Variants in DLG2 observed in about 807,000 individuals in gnomAD.
DLG2 encodes the protein discs large MAGUK scaffold protein 2.
DLG2 carries 45 observed loss-of-function variants against 132.5 expected under a neutral mutation model. The ratio of observed to expected loss-of-function variants is 0.34; its 90% CI spans 0.27 to 0.44. The LOEUF (loss-of-function observed/expected upper bound fraction) is 0.44. Among genes scored for constraint, DLG2 ranks in the 20% least tolerant of loss-of-function variants. The pLI, the probability that DLG2 is intolerant of heterozygous loss-of-function variation, is 1.00. For synonymous variants in DLG2, 424 were observed against 419.6 expected (o/e 1.01, Z -0.13); for missense variants, 1,045 against 1,196.9 (o/e 0.87, Z 1.87).
intron 3 of DLG2, among the ~76,000 whole-genome samples, chr11:85,569,739 G>A (rs1296943008): frequency 6.6e-6 from 1 of 152,176 alleles, no homozygotes; most frequent in African/African-American, 2.4e-5. Context: ...TGAACCTGCA[G>A]AGAAAAGGGG....
intron 7 of DLG2, among the ~76,000 whole-genome samples, chr11:84,519,577 A>G (rs1432802632): frequency 6.6e-6 from 1 of 152,148 alleles, no homozygotes; most frequent in Admixed American, 6.5e-5. Context: ...AAGCAAATGT[A>G]CCCTAAAATC....
At chr11:84,834,136 TATTA>T (rs2079401281) in intron 6 of DLG2, among the ~76,000 whole-genome samples, 1 of 151,712 alleles carries the variant, frequency 6.6e-6, no homozygotes. Context: ...TAATTTCTAA[TATTA>T]ATTAAATAAC....
intron 19 of DLG2, among the ~76,000 whole-genome samples, chr11:83,569,168 A>G (rs1365221940): frequency 1.3e-5 from 2 of 149,934 alleles, no homozygotes; most frequent in African/African-American, 5.0e-5. Context: ...TTTTAAGTAC[A>G]GAAAAGTAGG....
At position 84,809,573 on chromosome 11, in the gene DLG2, C is replaced by G. The variant is rs546678022; in HGVS notation, c.358-274842G>C. On this transcript the variant is annotated intron_variant, in intron 6 of 27. Transcript: ENST00000376104. ...ATCTTCTAGAACCAATAAATAAGTT[C>G]AGTAGGGTAACACTATAAAAGCATA... 1.1e-3 allele frequency among the ~76,000 whole-genome samples: 168 copies of G among 151,904 alleles called. 2 individuals carry two copies. The highest frequency in any genetic ancestry group is 3.7e-3 in the African/African-American group (154 of 41,544).
chr11:85,208,402 C>T (rs977608230), intron 4 of DLG2, among the ~76,000 whole-genome samples: 5 of 151,756 alleles, frequency 3.3e-5, no homozygotes, highest in Admixed American at 2.6e-4. Flanking sequence ...GATATGCTAG[C>T]GTATACTAAG....
chr11:84,353,167 C>T (rs1408871507), intron 7 of DLG2, among the ~76,000 whole-genome samples: 1 of 152,196 alleles, frequency 6.6e-6, no homozygotes, highest in Non-Finnish European at 1.5e-5. Context: ...ACTTGCTTCT[C>T]AACTTACTGC....
At chr11:84,660,088 C>G (rs1054764150) in intron 6 of DLG2, among the ~76,000 whole-genome samples, 10 of 152,054 alleles carry the variant, frequency 6.6e-5, no homozygotes, top group Non-Finnish European at 1.5e-4. Flanking sequence ...ACATACTGTT[C>G]ATAAGGCTGA....
At chr11:84,317,533 C>G (rs1183581713) in intron 7 of DLG2, among the ~76,000 whole-genome samples, 4 of 152,144 alleles carry the variant, frequency 2.6e-5, no homozygotes, top group Non-Finnish European at 4.4e-5. Flanking sequence ...TTTTCCCTTT[C>G]CTTGCCGATC....
chr11:84,734,881 T>A (rs1032657883), intron 6 of DLG2, among the ~76,000 whole-genome samples: 2 of 152,168 alleles, frequency 1.3e-5, no homozygotes, highest in East Asian at 1.9e-4. Flanking sequence ...CCTTTTCTGC[T>A]TCTATTGAGA....
intron 7 of DLG2, among the ~76,000 whole-genome samples, chr11:84,498,658 A>G (rs969544855): frequency 3.9e-5 from 6 of 152,232 alleles, no homozygotes; most frequent in Non-Finnish European, 8.8e-5. Flanking sequence ...CCTACTTTAA[A>G]AAAATGATAT....
At chr11:84,851,408 T>C (rs949369627) in intron 6 of DLG2, among the ~76,000 whole-genome samples, 2 of 152,104 alleles carry the variant, frequency 1.3e-5, no homozygotes, top group African/African-American at 2.4e-5. Flanking sequence ...CCTTGACATA[T>C]GGTTCTCTCA....
At chr11:85,319,826 T>C (rs2080933819) in intron 3 of DLG2, among the ~76,000 whole-genome samples, 1 of 151,884 alleles carries the variant, frequency 6.6e-6, no homozygotes, top group Admixed American at 6.6e-5. Context: ...GATGACCTTC[T>C]CAATTGCAAC....
At chr11:85,315,178 C>T (rs2080574387) in intron 3 of DLG2, among the ~76,000 whole-genome samples, 1 of 151,902 alleles carries the variant, frequency 6.6e-6, no homozygotes, top group Non-Finnish European at 1.5e-5. Context: ...AAAACAAGTC[C>T]CTGGCAGGTT....
At chr11:83,906,262 C>CACACAG (rs1453066423) in intron 15 of DLG2, among the ~76,000 whole-genome samples, 481 of 10,722 alleles carry the variant, frequency 0.045, 11 homozygotes, top group Middle Eastern at 0.077. Context: ...CTCTCTCACA[C>CACACAG]ACACACACAC....
At chr11:83,706,849 A>C (rs542543146) in intron 18 of DLG2, among the ~76,000 whole-genome samples, 1 of 152,232 alleles carries the variant, frequency 6.6e-6, no homozygotes, top group Non-Finnish European at 1.5e-5. Context: ...GCTGGTTGCT[A>C]CAGCAATGCC....
chr11:84,153,471 A>G lies in DLG2; in HGVS notation c.624+9990T>C, dbSNP rs572640269. 2.0e-5 allele frequency among the ~76,000 whole-genome samples: 3 copies of G among 152,282 alleles called. No homozygotes were observed. The East Asian group carries it at 5.8e-4, about 29-fold the overall frequency. ...TACTCTTTCTCCTTCTCTCTTGGGA[A>G]TACCAGCATGGGTTGTAGTTTAGTT... On this transcript the variant is annotated intron_variant, in intron 9 of 27. Coordinates refer to ENST00000376104, the MANE Select transcript of DLG2 (RefSeq NM_001142699.3).
At position 84,502,415 on chromosome 11, in the gene DLG2, T is replaced by TTTCG. The variant is rs58799252; in HGVS notation, c.519+32154_519+32155insCGAA. Among the ~76,000 whole-genome samples the TTTCG allele has an allele frequency of 4.8e-4, 48 of 99,878 alleles. 9 individuals carry two copies. The highest frequency in any genetic ancestry group is 9.9e-4 in the East Asian group (4 of 4,028). The allele number at this position is 99,878 out of a possible 152,430, so 65.5% of individuals were successfully genotyped here. ...CTTTCTTTCTTTCTTTCTTTCTTTCTATACAGAGTCTCATGCTGTCACCCA... is the reference window on the plus strand; with the variant it reads ...CTTTCTTTCTTTCTTTCTTTCTTTCTTTCGATACAGAGTCTCATGCTGTCACCCA... On this transcript the variant is annotated intron_variant, in intron 7 of 27. Transcript: ENST00000376104.
chr11:83,509,331 C>G (rs1329103681), intron 21 of DLG2, among the ~76,000 whole-genome samples: 3 of 152,210 alleles, frequency 2.0e-5, no homozygotes, highest in African/African-American at 7.2e-5. Flanking sequence ...ACATTATCAT[C>G]ACCACTTGTA....
intron 18 of DLG2, chr11:83,725,143 T>C (rs1038634352): frequency 2.8e-4 from 134 of 486,124 alleles, no homozygotes; most frequent in Admixed American, 1.6e-3. Context: ...AACAAATCAC[T>C]TTCCAGATGT....
Sources: allele counts gnomAD v4.1 joint callset (sites outside exome capture counted in the v4.1 genomes callset), GRCh38; gene constraint gnomAD v4.1.1; transcripts MANE v1.5; gene names NCBI Gene and HGNC (gene_info 2026-07-23, HGNC 2026-07-21).